CLUAP1: variants seen among roughly 807,000 people sequenced by gnomAD.
The protein encoded by CLUAP1 is clusterin-associated protein 1.
CLUAP1 carries 50 observed loss-of-function variants against 55.0 expected under a neutral mutation model. That is an observed-to-expected ratio of 0.91 (90% CI 0.72 to 1.15). CLUAP1 has a LOEUF of 1.15. Ranked by LOEUF, CLUAP1 falls within the 50% of genes most tolerant of loss-of-function variation. CLUAP1 has a pLI of 0.00. For synonymous variants in CLUAP1, 195 were observed against 175.4 expected, an observed-to-expected ratio of 1.11 and a Z score of -0.88; for missense variants, 530 against 507.6, an observed-to-expected ratio of 1.04 and a Z score of -0.42.
intron 5 of CLUAP1, among the ~76,000 whole-genome samples, chr16:3,513,943 T>G (rs2037682574): frequency 6.6e-6 from 1 of 152,214 alleles, no homozygotes; most frequent in South Asian, 2.1e-4. Context: ...AGTGGAAGTC[T>G]GGGGAAGAGG....
At chr16:3,526,626 C>A in intron 9 of CLUAP1, 142 bp downstream of exon 9, 1 of 311,810 alleles carries the variant, frequency 3.2e-6, no homozygotes, top group Non-Finnish European at 5.6e-6. Context: ...GTAGTAAGAA[C>A]ACTTCACTTT....
Position 3,537,991 on chromosome 16 carries a change from T to A in CLUAP1, c.*1720T>A, listed in dbSNP as rs1479683890. The stretch of plus-strand genomic sequence containing the variant: ...TCCAGCCTGGGCAGCAGAGTGAGAC[T>A]CCATCTCAAAAAAAAAAAAAAAAAA... On this transcript the variant is annotated 3_prime_UTR_variant, in exon 12 of 12. Transcript: ENST00000576634. The A allele has an allele frequency of 2.1e-5, 2 of 95,996 alleles. No individual in the cohort carries two copies. Among genetic ancestry groups the A allele is most frequent in the East Asian group, 7.0e-4 (2 of 2,854 alleles). 5.9% of individuals were successfully genotyped at this position (95,996 alleles called of 1,614,324 possible).
rs766071904 is a variant in CLUAP1 at position 3,506,412 on chromosome 16, C to T, written c.216C>T (p.Phe72=). The T allele has an allele frequency of 8.7e-6, 14 of 1,610,850 alleles. No individual in the cohort carries two copies. Among genetic ancestry groups the T allele is most frequent in the Non-Finnish European group, 1.2e-5 (14 of 1,177,162 alleles). The change falls in exon 3 of 12, where the codon TTC becomes TTT. Residue 72 remains phenylalanine (F), a synonymous_variant. Coordinates refer to ENST00000576634, the MANE Select transcript of CLUAP1 (RefSeq NM_015041.3). ...RVFFIKAIAQ[F]MATKAHIKLN... ...TCTTCATTAAGGCAATTGCCCAGTT[C>T]ATGGTTAGTGGACACTTATTTTGTG... is the stretch of plus-strand genomic sequence containing the variant.
intron 6 of CLUAP1, among the ~76,000 whole-genome samples, chr16:3,519,586 C>T (rs573603910): frequency 2.0e-5 from 3 of 152,244 alleles, no homozygotes; most frequent in East Asian, 1.9e-4. Flanking sequence ...TTGTTCTAAC[C>T]GAGTGAGCCA....
At chr16:3,506,712 A>G (rs2037513937) in intron 3 of CLUAP1, among the ~76,000 whole-genome samples, 1 of 152,010 alleles carries the variant, frequency 6.6e-6, no homozygotes, top group East Asian at 2.0e-4. Flanking sequence ...CATGTTGGCT[A>G]GGCTGGTCTC....
intron 1 of CLUAP1, among the ~76,000 whole-genome samples, chr16:3,501,799 A>AC (rs1555491983): frequency 1.3e-4 from 20 of 152,060 alleles, no homozygotes; most frequent in Non-Finnish European, 2.6e-4. Flanking sequence ...CAAAAAAAAA[A>AC]CAACCAGCAA....
intron 4 of CLUAP1, among the ~76,000 whole-genome samples, chr16:3,510,650 CAT>C (rs1284377850): frequency 6.6e-6 from 1 of 152,194 alleles, no homozygotes; most frequent in African/African-American, 2.4e-5. Flanking sequence ...CCACTGGCCA[CAT>C]GTGGCAAGCA....
At position 3,536,294 on chromosome 16, in the gene CLUAP1, C is replaced by CTTGT; in HGVS notation, c.*23_*24insTTGT. ...TGACCCTTTTGCCAAGGGACCCTGG[C>CTTGT]AGATTAAAACCCTCAGACTTGTAGG... On this transcript the variant is annotated 3_prime_UTR_variant, in exon 12 of 12. Transcript: ENST00000576634. 6.2e-7 allele frequency: 1 copy of CTTGT among 1,610,456 alleles called. No homozygotes were observed. The highest frequency in any genetic ancestry group is 1.1e-5 in the South Asian group (1 of 90,764).
chr16:3,503,056 A>G (rs2037437068), intron 1 of CLUAP1, among the ~76,000 whole-genome samples: 1 of 152,068 alleles, frequency 6.6e-6, no homozygotes, highest in Non-Finnish European at 1.5e-5. Flanking sequence ...ATCTTAGCTC[A>G]CTGCAACCTC....
At chr16:3,522,746 T>C (rs1474704620) in intron 7 of CLUAP1, among the ~76,000 whole-genome samples, 1 of 152,160 alleles carries the variant, frequency 6.6e-6, no homozygotes, top group Admixed American at 6.6e-5. Flanking sequence ...GAGATTACGG[T>C]ATATTGAAAT....
In CLUAP1 at chr16:3,523,284, G is replaced by T; in HGVS notation, c.840G>T (p.Glu280Asp). Reference sequence around the variant, plus strand: ...AGCTTGAAGACCATCATAGGATGGAGCAAGAAAGGTTTGAGGTGAGCTGAG... The same window carrying T: ...AGCTTGAAGACCATCATAGGATGGATCAAGAAAGGTTTGAGGTGAGCTGAG... ...EQQLEDHHRMEQERFEEAKNT... is the reference protein window; with the variant it reads ...EQQLEDHHRMDQERFEEAKNT... The change falls in exon 8 of 12, where the codon GAG (glutamate) becomes GAT (aspartate). Residue 280 changes from glutamate to aspartate, a missense_variant. Physicochemically the swap from Glu to Asp is conservative, Grantham distance 45. Transcript: ENST00000576634. 6 of 1,612,344 alleles carry T rather than the reference G, an allele frequency of 3.7e-6. No individual in the cohort carries two copies. Among genetic ancestry groups the T allele is most frequent in the Non-Finnish European group, 5.1e-6 (6 of 1,179,472 alleles).
intron 1 of CLUAP1, among the ~76,000 whole-genome samples, chr16:3,501,413 T>C (rs1461861058): frequency 6.6e-6 from 1 of 152,264 alleles, no homozygotes; most frequent in East Asian, 1.9e-4. Flanking sequence ...TGCATGCCGC[T>C]CTTCGCTACC....
chr16:3,513,672 A>T (rs1270549728), intron 5 of CLUAP1, among the ~76,000 whole-genome samples: 1 of 151,580 alleles, frequency 6.6e-6, no homozygotes, highest in African/African-American at 2.4e-5. Context: ...TTGGTCTCAA[A>T]CTCCTGATCT....
intron 8 of CLUAP1, among the ~76,000 whole-genome samples, chr16:3,525,466 C>G (rs1472639296): frequency 6.6e-6 from 1 of 152,108 alleles, no homozygotes; most frequent in African/African-American, 2.4e-5. Context: ...TACCCCATGC[C>G]GGAAACACAG....
chr16:3,518,384 A>G (rs146609171), intron 6 of CLUAP1, among the ~76,000 whole-genome samples: 1 of 152,310 alleles, frequency 6.6e-6, no homozygotes, highest in Non-Finnish European at 1.5e-5. Context: ...ATTGTTAGAA[A>G]ATATCTGTGA....
chr16:3,507,516 T>A (rs1324166769), intron 3 of CLUAP1, among the ~76,000 whole-genome samples: 1 of 150,608 alleles, frequency 6.6e-6, no homozygotes, highest in Non-Finnish European at 1.5e-5. Flanking sequence ...GCCGGGATCA[T>A]GTCATTGCAC....
chr16:3,530,757 G>A (rs2038099467), intron 10 of CLUAP1, 82 bp downstream of exon 10: 1 of 1,044,972 alleles, frequency 9.6e-7, no homozygotes, highest in African/African-American at 1.6e-5. Flanking sequence ...AGGCTGCTTA[G>A]TATTGAGGCC....
At chr16:3,500,581 G>C (rs972058252), upstream of CLUAP1, among the ~76,000 whole-genome samples, 1 of 152,128 alleles carries the variant, frequency 6.6e-6, no homozygotes, top group East Asian at 1.9e-4. Context: ...ATGTTGGCCA[G>C]GCTGGTCTCG....
chr16:3,522,578 C>T (rs77619771), intron 7 of CLUAP1, among the ~76,000 whole-genome samples: 7,904 of 151,898 alleles, frequency 0.052, 416 homozygotes, highest in South Asian at 0.13. Flanking sequence ...ATGTGTCACC[C>T]AGGCTGGAGG....
Sources: gnomAD v4.1 joint callset for allele counts (sites outside exome capture counted in the v4.1 genomes callset) on GRCh38, gnomAD v4.1.1 for gene constraint, MANE v1.5 for transcripts, NCBI Gene and HGNC (gene_info 2026-07-23, HGNC 2026-07-21) for gene names.